The following FAF2 variants were observed in gnomAD, a reference collection of about 807,000 sequenced individuals.
The protein encoded by FAF2 is FAS-associated factor 2.
In FAF2, 9 loss-of-function variants were observed where a neutral mutation model predicts 62.3. That is an observed-to-expected ratio of 0.14 (90% CI 0.09 to 0.25). The LOEUF (loss-of-function observed/expected upper bound fraction) is 0.25, where lower values mean the gene tolerates loss of function less well. FAF2 is among the 10% of genes least tolerant of loss of function. The pLI, the probability that FAF2 is intolerant of heterozygous loss-of-function variation, is 1.00. For missense variants in FAF2, 368 were observed against 556.2 expected, an observed-to-expected ratio of 0.66 and a Z score of 3.40; for synonymous variants, 202 against 198.0, an observed-to-expected ratio of 1.02 and a Z score of -0.17.
At chr5:176,506,052 G>T (rs941243263) in intron 10 of FAF2, among the ~76,000 whole-genome samples, 3 of 151,912 alleles carry the variant, frequency 2.0e-5, no homozygotes, top group African/African-American at 7.3e-5. Context: ...TTAGCCAGGC[G>T]TGGTGGCGGG....
chr5:176,492,389 G>T, intron 5 of FAF2, 57 bp downstream of exon 5: 10 of 1,548,006 alleles, frequency 6.5e-6, no homozygotes, highest in Non-Finnish European at 8.7e-6. Context: ...ATCCTCAAAG[G>T]AGAGCACAGC....
chr5:176,504,475 T>G (rs974227878), intron 10 of FAF2, among the ~76,000 whole-genome samples: 5 of 151,934 alleles, frequency 3.3e-5, no homozygotes, highest in African/African-American at 1.2e-4. Context: ...TCACTGCTGC[T>G]TGGGAGGCTG....
chr5:176,496,862 A>G (rs911756682), intron 8 of FAF2, 199 bp downstream of exon 8: 2 of 372,594 alleles, frequency 5.4e-6, no homozygotes, highest in Non-Finnish European at 9.4e-6. Context: ...AGAGATGTTC[A>G]AAATAAAGAC....
intron 10 of FAF2, among the ~76,000 whole-genome samples, chr5:176,504,088 C>G (rs1477988234): frequency 2.0e-5 from 3 of 151,852 alleles, no homozygotes; most frequent in African/African-American, 7.3e-5. Context: ...GCCTGGGCGA[C>G]AGAGTGAGAC....
At chr5:176,476,627 C>CTT (rs58104178) in intron 1 of FAF2, among the ~76,000 whole-genome samples, 1,463 of 95,022 alleles carry the variant, frequency 0.015, 36 homozygotes, top group African/African-American at 0.027. Flanking sequence ...ATTAGAGTCC[C>CTT]TTTTTTTTTT....
chr5:176,478,126 A>G (rs1442225201), intron 1 of FAF2, among the ~76,000 whole-genome samples: 1 of 152,244 alleles, frequency 6.6e-6, no homozygotes, highest in Non-Finnish European at 1.5e-5. Context: ...AATTCTGGGC[A>G]TGAGATGTAT....
intron 1 of FAF2, among the ~76,000 whole-genome samples, chr5:176,465,634 T>C (rs1162690261): frequency 6.6e-6 from 1 of 152,212 alleles, no homozygotes; most frequent in East Asian, 1.9e-4. Flanking sequence ...CCCAAAGTGC[T>C]GAAGTTACAG....
At chr5:176,500,976 A>T (rs1420126038) in intron 10 of FAF2, among the ~76,000 whole-genome samples, 1 of 152,038 alleles carries the variant, frequency 6.6e-6, no homozygotes, top group East Asian at 1.9e-4. Context: ...AAAATACAAA[A>T]ATTAGCTGGG....
intron 1 of FAF2, among the ~76,000 whole-genome samples, chr5:176,470,438 G>T (rs1561818936): frequency 6.6e-6 from 1 of 152,260 alleles, no homozygotes; most frequent in South Asian, 2.1e-4. Flanking sequence ...TTAGCGGGGC[G>T]TGGTGGCGCA....
At chr5:176,499,197 GA>G (rs963343287) in intron 9 of FAF2, 112 bp downstream of exon 9, 35,577 of 696,582 alleles carry the variant, frequency 0.051, no homozygotes, top group East Asian at 0.076. Context: ...GACTAAGAGG[GA>G]AAAAAAAAAA....
At chr5:176,470,066 G>T (rs1396823019) in intron 1 of FAF2, among the ~76,000 whole-genome samples, 1 of 152,160 alleles carries the variant, frequency 6.6e-6, no homozygotes, top group Non-Finnish European at 1.5e-5. Flanking sequence ...TCCTCAGCAT[G>T]CATACAGTCT....
At chr5:176,504,696 A>G (rs1288063331) in intron 10 of FAF2, among the ~76,000 whole-genome samples, 2 of 152,146 alleles carry the variant, frequency 1.3e-5, no homozygotes, top group African/African-American at 2.4e-5. Context: ...TTGCAAAGAG[A>G]GAAGGAAACT....
rs1755585385 is a variant in FAF2, at chr5:176,501,148, TA to T, written c.1155+1003del. ...AAAAAAAAATAAATAATAATAATAA[TA>T]GGCACTCCCTAGTAGGATTGTTGTT... On this transcript the variant is annotated intron_variant, in intron 10 of 10. Transcript: ENST00000261942. 1.3e-5 allele frequency among the ~76,000 whole-genome samples: 2 copies of T among 150,994 alleles called. 1 individual carries two copies. Among genetic ancestry groups the T allele is most frequent in the South Asian group, 4.2e-4 (2 of 4,736 alleles).
rs2277069 is a variant in FAF2 at position 176,489,066 on chromosome 5, G to A, written c.344+39G>A. ...GATTTATGTATTAGTAGAATAGTAA[G>A]ACTTTGGAGCTGAAATTTAGGCCAA... is the stretch of plus-strand genomic sequence containing the variant. On this transcript the variant is annotated intron_variant, in intron 4 of 10. Transcript: ENST00000261942. The A allele has an allele frequency of 5.2e-6, 8 of 1,540,252 alleles. No individual in the cohort carries two copies. The East Asian group carries it at 1.8e-4, about 35-fold the overall frequency.
chr5:176,506,872 G>T lies in FAF2; in HGVS notation c.1260G>T (p.Trp420Cys). Residue 420 changes from tryptophan (W) to cysteine (C), a missense_variant, in exon 11 of 11, where the codon TGG becomes TGT. This residue lies in a region of FAF2 where 37 missense variants were observed against 114.3 expected (regional missense o/e 0.32). Transcript: ENST00000261942. ...TGCCCTGCATCCCTTCAGAGGAGTGGCCCAATCCCCCTACGCTACAGGAGG... is the reference window on the plus strand; with the variant it reads ...TGCCCTGCATCCCTTCAGAGGAGTGTCCCAATCCCCCTACGCTACAGGAGG... ...RVLPCIPSEE[W>C]PNPPTLQEAG... The T allele has an allele frequency of 6.2e-7, 1 of 1,613,734 alleles. No homozygotes were observed. The highest frequency in any genetic ancestry group is 8.5e-7 in the Non-Finnish European group (1 of 1,179,850).
intron 5 of FAF2, 30 bp downstream of exon 5, chr5:176,492,362 C>G (rs1758986936): frequency 6.3e-7 from 1 of 1,592,866 alleles, no homozygotes; most frequent in Admixed American, 1.8e-5. Context: ...TAGATGCCAA[C>G]TTACCGAAAT....
chr5:176,478,786 T>C (rs1200064840), intron 1 of FAF2, among the ~76,000 whole-genome samples: 1 of 152,200 alleles, frequency 6.6e-6, no homozygotes, highest in Non-Finnish European at 1.5e-5. Flanking sequence ...CTCAAAATGT[T>C]TCAAAAAATG....
intron 1 of FAF2, 127 bp from the exon 2 acceptor site, chr5:176,479,061 T>C: frequency 1.3e-6 from 1 of 754,342 alleles, no homozygotes. Context: ...CGGTGAAGTT[T>C]TACCATACTT....
At chr5:176,461,987 A>T (rs921589209) in intron 1 of FAF2, among the ~76,000 whole-genome samples, 1 of 152,166 alleles carries the variant, frequency 6.6e-6, no homozygotes, top group Non-Finnish European at 1.5e-5. Flanking sequence ...AGAAGTAAGC[A>T]TCAGAAAAGC....
Sources: gnomAD v4.1 joint callset for allele counts (sites outside exome capture counted in the v4.1 genomes callset) on GRCh38, gnomAD v4.1.1 for gene constraint, gnomAD v4.1.1 regional missense constraint, MANE v1.5 for transcripts, NCBI Gene and HGNC (gene_info 2026-07-23, HGNC 2026-07-21) for gene names.